DIAPH3: variants seen among roughly 807,000 people sequenced by gnomAD.
The protein encoded by DIAPH3 is diaphanous related formin 3, also known as protein diaphanous homolog 3.
DIAPH3 carries 117 observed loss-of-function variants against 144.3 expected under a neutral mutation model. The ratio of observed to expected loss-of-function variants is 0.81; its 90% CI spans 0.70 to 0.95. DIAPH3 has a LOEUF of 0.95. Among genes scored for constraint, DIAPH3 ranks in the 40% least tolerant of loss-of-function variants. The pLI is 0.00. For synonymous variants in DIAPH3, 519 were observed against 488.9 expected, an observed-to-expected ratio of 1.06 and a Z score of -0.81; for missense variants, 1,421 against 1,412.7, an observed-to-expected ratio of 1.01 and a Z score of -0.09.
At chr13:59,817,563 G>C (rs1336138040) in intron 24 of DIAPH3, among the ~76,000 whole-genome samples, 1 of 151,858 alleles carries the variant, frequency 6.6e-6, no homozygotes, top group African/African-American at 2.4e-5. Context: ...ATAGGGTAAA[G>C]GGAGGTCTCT....
intron 17 of DIAPH3, among the ~76,000 whole-genome samples, chr13:59,928,747 G>T (rs889473220): frequency 6.6e-6 from 1 of 152,144 alleles, no homozygotes; most frequent in Non-Finnish European, 1.5e-5. Flanking sequence ...CAAACCCAAG[G>T]TGGGTCTGTC....
chr13:59,861,119 CAGG>C (rs1417809427), intron 22 of DIAPH3: 1 of 921,900 alleles, frequency 1.1e-6, no homozygotes. Context: ...CCAAAAAGTG[CAGG>C]AGATTTAGCA....
At chr13:59,704,418 G>T (rs988632270) in intron 27 of DIAPH3, among the ~76,000 whole-genome samples, 1 of 152,080 alleles carries the variant, frequency 6.6e-6, no homozygotes, top group Non-Finnish European at 1.5e-5. Flanking sequence ...GTTTCCTCTG[G>T]TATTCTAGTT....
intron 18 of DIAPH3, among the ~76,000 whole-genome samples, chr13:59,917,655 C>T (rs1339079766): frequency 6.6e-6 from 1 of 151,924 alleles, no homozygotes; most frequent in African/African-American, 2.4e-5. Context: ...CTTTGGGAGG[C>T]AGAGGCAGGC....
chr13:59,666,373 A>AAT lies in DIAPH3; in HGVS notation c.*210_*211insAT. On this transcript the variant is annotated 3_prime_UTR_variant, in exon 28 of 28. Coordinates refer to ENST00000400324, the MANE Select transcript of DIAPH3 (RefSeq NM_001042517.2). ...ACCAGGAGACAAAAAAAAAAAAAAA[A>AAT]GGATTAAAGCCCGGTACAATCTTGA... is the stretch of plus-strand genomic sequence containing the variant. 2.3e-6 allele frequency: 1 copy of AAT among 435,682 alleles called. No individual in the cohort carries two copies. The highest frequency in any genetic ancestry group is 3.9e-6 in the Non-Finnish European group (1 of 256,050). The allele number at this position is 435,682 out of a possible 1,614,324, so 27.0% of individuals were successfully genotyped here. A position where few individuals can be genotyped will look rare whatever the true frequency, so the allele number is the denominator to read the frequency against.
At chr13:60,130,602 A>G (rs1271680892) in intron 2 of DIAPH3, among the ~76,000 whole-genome samples, 1 of 152,212 alleles carries the variant, frequency 6.6e-6, no homozygotes, top group East Asian at 1.9e-4. Flanking sequence ...CTGAGATCCA[A>G]TACCAGGCAG....
intron 4 of DIAPH3, among the ~76,000 whole-genome samples, chr13:60,084,965 G>C (rs1170474692): frequency 6.6e-6 from 1 of 151,950 alleles, no homozygotes; most frequent in Non-Finnish European, 1.5e-5. Flanking sequence ...TTTTTTTTAA[G>C]TATGTATAGA....
At chr13:60,139,537 C>G (rs1289444477) in intron 1 of DIAPH3, among the ~76,000 whole-genome samples, 2 of 152,120 alleles carry the variant, frequency 1.3e-5, no homozygotes, top group African/African-American at 4.8e-5. Flanking sequence ...AACGAGAGAT[C>G]AGCGTTAAGG....
intron 25 of DIAPH3, among the ~76,000 whole-genome samples, chr13:59,782,853 A>C (rs1430554132): frequency 6.6e-6 from 1 of 152,184 alleles, no homozygotes; most frequent in East Asian, 1.9e-4. Context: ...GACCCAGCTA[A>C]AGCTGTCAGG....
chr13:59,665,983 G>T lies in DIAPH3; in HGVS notation c.*601C>A, dbSNP rs1388369867. ...TTCGTTATGTGCTCAATTGCCTTAT[G>T]GTCCCCTAGAGGGTCTACTTAACAT... On this transcript the variant is annotated 3_prime_UTR_variant, in exon 28 of 28. Transcript: ENST00000400324. 6.6e-6 allele frequency: 1 copy of T among 152,122 alleles called. No homozygotes were observed. The highest frequency in any genetic ancestry group is 1.5e-5 in the Non-Finnish European group (1 of 68,066). 9.4% of individuals were successfully genotyped at this position (152,122 alleles called of 1,614,324 possible). A position where few individuals can be genotyped will look rare whatever the true frequency, so the allele number is the denominator to read the frequency against.
intron 27 of DIAPH3, chr13:59,773,939 C>G (rs1477512976): frequency 1.2e-5 from 5 of 433,228 alleles, no homozygotes; most frequent in Non-Finnish European, 4.1e-6. Flanking sequence ...TGAATGTTAA[C>G]TTCAGATAAT....
At chr13:59,977,799 T>A (rs2050761676) in intron 14 of DIAPH3, among the ~76,000 whole-genome samples, 1 of 151,790 alleles carries the variant, frequency 6.6e-6, no homozygotes, top group Non-Finnish European at 1.5e-5. Flanking sequence ...AAAAGTGTTG[T>A]TATTTGGGGA....
chr13:59,825,546 T>C (rs1266729209), intron 24 of DIAPH3, among the ~76,000 whole-genome samples: 1 of 152,164 alleles, frequency 6.6e-6, no homozygotes, highest in South Asian at 2.1e-4. Context: ...TTTGGGTATA[T>C]ACCCAGTAAT....
chr13:59,811,195 G>A (rs559815962), intron 24 of DIAPH3, among the ~76,000 whole-genome samples: 2 of 151,956 alleles, frequency 1.3e-5, no homozygotes, highest in South Asian at 4.2e-4. Context: ...GGAGATGGGA[G>A]ACAGAAACTG....
intron 5 of DIAPH3, among the ~76,000 whole-genome samples, chr13:60,040,226 C>CAAAAAAAAAAAAAAAAAAA (rs5803983): frequency 2.9e-5 from 1 of 34,834 alleles, no homozygotes; most frequent in Admixed American, 4.7e-4. Context: ...GACTCCATCT[C>CAAAAAAAAAAAAAAAAAAA]AAAAAAAAAA....
At chr13:59,811,678 A>C (rs944375662) in intron 24 of DIAPH3, among the ~76,000 whole-genome samples, 1 of 146,546 alleles carries the variant, frequency 6.8e-6, no homozygotes, top group Non-Finnish European at 1.5e-5. Context: ...CAGAGCTTGC[A>C]GTGAGCCGAG....
intron 3 of DIAPH3, among the ~76,000 whole-genome samples, chr13:60,110,553 G>GT (rs1185525000): frequency 6.6e-6 from 1 of 152,260 alleles, no homozygotes; most frequent in East Asian, 1.9e-4. Context: ...ATCAATAGCA[G>GT]TTTTTCCCTA....
chr13:59,879,233 C>T lies in DIAPH3; in HGVS notation c.2603G>A (p.Cys868Tyr). The change falls in exon 21 of 28, where the codon TGT (cysteine) becomes TAT (tyrosine). Residue 868 changes from cysteine (C) to tyrosine (Y), a missense_variant. Physicochemically the swap from Cys to Tyr is radical, Grantham distance 194. Coordinates refer to ENST00000400324, the MANE Select transcript of DIAPH3 (RefSeq NM_001042517.2). ...TTTTTAAAAAAACAAACTCACTTTA[C>T]AGAGAGAGCTAAGGTTAAATCCGAA... Reference protein sequence around the residue: ...QTFGFNLSSLCKLKDTKSADQ... With the variant: ...QTFGFNLSSLYKLKDTKSADQ... The T allele has an allele frequency of 9.3e-6, 15 of 1,613,704 alleles. No individual in the cohort carries two copies. The highest frequency in any genetic ancestry group is 1.3e-5 in the Non-Finnish European group (15 of 1,179,714).
intron 27 of DIAPH3, among the ~76,000 whole-genome samples, chr13:59,768,943 T>C (rs1164408027): frequency 6.6e-6 from 1 of 152,218 alleles, no homozygotes; most frequent in Non-Finnish European, 1.5e-5. Flanking sequence ...TTTTATCTTA[T>C]TTTGTCACAG....
Sources: gnomAD v4.1 joint callset for allele counts (sites outside exome capture counted in the v4.1 genomes callset) on GRCh38, gnomAD v4.1.1 for gene constraint, MANE v1.5 for transcripts, NCBI Gene and HGNC (gene_info 2026-07-23, HGNC 2026-07-21) for gene names.